PHACTR1: variants seen among roughly 807,000 people sequenced by gnomAD.
PHACTR1 encodes RPEL repeat containing 1.
In PHACTR1, 16 loss-of-function variants were observed where a neutral mutation model predicts 69.2. The ratio of observed to expected loss-of-function variants is 0.23; its 90% CI spans 0.16 to 0.35. The LOEUF (loss-of-function observed/expected upper bound fraction) is 0.35. Ranked by LOEUF, PHACTR1 falls within the 10% of genes least tolerant of loss-of-function variation. The probability of loss-of-function intolerance (pLI) is 1.00; values close to 1 mark genes in which losing one functional copy is unlikely to be tolerated. For missense variants in PHACTR1, 510 were observed against 734.7 expected (o/e 0.69, Z 3.54); for synonymous variants, 312 against 284.5 (o/e 1.10, Z -0.97).
chr6:12,785,025 A>T (rs756230231), intron 4 of PHACTR1, among the ~76,000 whole-genome samples: 1 of 151,608 alleles, frequency 6.6e-6, no homozygotes, highest in Non-Finnish European at 1.5e-5. Flanking sequence ...TATATTATAC[A>T]TATATATTTA....
At chr6:12,990,923 C>A (rs1796753830) in intron 4 of PHACTR1, among the ~76,000 whole-genome samples, 2 of 152,164 alleles carry the variant, frequency 1.3e-5, no homozygotes, top group African/African-American at 4.8e-5. Flanking sequence ...GTCTCCAATG[C>A]TCTGTTGCTT....
chr6:13,258,025 C>T (rs1338465429), intron 10 of PHACTR1, among the ~76,000 whole-genome samples: 1 of 152,104 alleles, frequency 6.6e-6, no homozygotes, highest in Non-Finnish European at 1.5e-5. Context: ...ATCCTCAGTG[C>T]AGGTTTGAAT....
chr6:13,198,439 A>T (rs1379724999), intron 7 of PHACTR1, among the ~76,000 whole-genome samples: 1 of 152,182 alleles, frequency 6.6e-6, no homozygotes, highest in African/African-American at 2.4e-5. Context: ...CTGTGGAATA[A>T]CTGTCTGGAG....
intron 4 of PHACTR1, among the ~76,000 whole-genome samples, chr6:12,918,692 A>G (rs1244283138): frequency 6.6e-6 from 1 of 152,258 alleles, no homozygotes; most frequent in Non-Finnish European, 1.5e-5. Flanking sequence ...CTCATCATAT[A>G]AAATCACTAG....
At chr6:12,889,992 C>T (rs528287416) in intron 4 of PHACTR1, among the ~76,000 whole-genome samples, 34 of 152,194 alleles carry the variant, frequency 2.2e-4, no homozygotes, top group African/African-American at 7.9e-4. Context: ...GGGTCCCCAA[C>T]CCCCGGGTCG....
At chr6:13,182,890 G>A (rs958348481) in intron 7 of PHACTR1, among the ~76,000 whole-genome samples, 2 of 152,216 alleles carry the variant, frequency 1.3e-5, no homozygotes, top group Non-Finnish European at 2.9e-5. Flanking sequence ...ATCCTACAGT[G>A]TTTAAAAAAC....
At chr6:13,286,551 A>G (rs1378604890) in intron 14 of PHACTR1, among the ~76,000 whole-genome samples, 1 of 152,270 alleles carries the variant, frequency 6.6e-6, no homozygotes, top group East Asian at 1.9e-4. Flanking sequence ...ATTTGCAACC[A>G]GTCAGCAGAG....
chr6:13,112,947 C>G (rs1480134349), intron 5 of PHACTR1, among the ~76,000 whole-genome samples: 2 of 151,974 alleles, frequency 1.3e-5, no homozygotes, highest in African/African-American at 4.8e-5. Context: ...AAATCTTTGC[C>G]CATTCTTATA....
intron 5 of PHACTR1, among the ~76,000 whole-genome samples, chr6:13,103,414 A>C (rs945396936): frequency 6.6e-6 from 1 of 152,216 alleles, no homozygotes; most frequent in Admixed American, 6.5e-5. Flanking sequence ...TACTTTCTGT[A>C]GTGTTTGCAT....
intron 8 of PHACTR1, among the ~76,000 whole-genome samples, chr6:13,215,442 T>C (rs1203373032): frequency 6.6e-6 from 1 of 152,142 alleles, no homozygotes; most frequent in Non-Finnish European, 1.5e-5. Flanking sequence ...TGAGAGAACA[T>C]TTAGGCAGAT....
intron 4 of PHACTR1, among the ~76,000 whole-genome samples, chr6:12,940,064 C>T (rs1170378967): frequency 6.6e-6 from 1 of 152,074 alleles, no homozygotes; most frequent in Non-Finnish European, 1.5e-5. Context: ...TGATTCATTT[C>T]CCCCCTGCTG....
At chr6:12,726,284 C>T (rs1762786530) in intron 3 of PHACTR1, among the ~76,000 whole-genome samples, 1 of 152,120 alleles carries the variant, frequency 6.6e-6, no homozygotes, top group Admixed American at 6.6e-5. Flanking sequence ...ATGGAGTTTT[C>T]ATTCTGCCTA....
intron 4 of PHACTR1, among the ~76,000 whole-genome samples, chr6:12,918,908 A>G (rs147463347): frequency 6.6e-6 from 1 of 152,310 alleles, no homozygotes; most frequent in East Asian, 1.9e-4. Context: ...GGAACAAGAA[A>G]AAGTTGCGAA....
intron 4 of PHACTR1, among the ~76,000 whole-genome samples, chr6:12,890,958 A>G (rs1291236434): frequency 6.6e-6 from 1 of 152,184 alleles, no homozygotes; most frequent in Non-Finnish European, 1.5e-5. Context: ...CCAGTTGCTG[A>G]TAATAATGCT....
intron 4 of PHACTR1, among the ~76,000 whole-genome samples, chr6:13,006,272 TA>T (rs1209194759): frequency 2.0e-5 from 3 of 152,256 alleles, no homozygotes; most frequent in Non-Finnish European, 4.4e-5. Context: ...TGTAGTCCGA[TA>T]ACCTTTCTTG....
Position 13,182,513 on chromosome 6 carries a change from T to C in PHACTR1, c.497-6T>C, listed in dbSNP as rs1762307528. 1.2e-6 allele frequency: 2 copies of C among 1,613,606 alleles called. No homozygotes were observed. The highest frequency in any genetic ancestry group is 1.1e-5 in the South Asian group (1 of 91,080). On this transcript the variant is annotated splice_region_variant and splice_polypyrimidine_tract_variant and intron_variant, in intron 6 of 14. Coordinates refer to ENST00000332995, the MANE Select transcript of PHACTR1 (RefSeq NM_030948.6). Reference sequence around the variant, plus strand: ...TAACTCTGCAATCTCCTTTTCTCTCTGACAGATGGGGAACTCTCTATATCC... The same window carrying C: ...TAACTCTGCAATCTCCTTTTCTCTCCGACAGATGGGGAACTCTCTATATCC...
chr6:12,821,838 G>A (rs1776259419), intron 4 of PHACTR1, among the ~76,000 whole-genome samples: 1 of 152,218 alleles, frequency 6.6e-6, no homozygotes, highest in Non-Finnish European at 1.5e-5. Context: ...AGTTGTCAAA[G>A]GTCACACAAA....
intron 4 of PHACTR1, among the ~76,000 whole-genome samples, chr6:12,874,674 T>C (rs927997849): frequency 4.6e-5 from 7 of 152,208 alleles, no homozygotes; most frequent in Non-Finnish European, 7.3e-5. Context: ...CATTTCCAAA[T>C]GTGGTATCAA....
chr6:12,980,440 A>G lies in PHACTR1; in HGVS notation c.251-72925A>G, dbSNP rs113777757. 4.4e-3 allele frequency among the ~76,000 whole-genome samples: 666 copies of G among 152,270 alleles called. 3 individuals carry two copies. Among genetic ancestry groups the G allele is most frequent in the African/African-American group, 0.015 (617 of 41,562 alleles). ...GGATCTGGCGTGTCAAGCATGTCCC[A>G]TACAAGTGATATTATATGCTCCCAG... On this transcript the variant is annotated intron_variant, in intron 4 of 14. Transcript: ENST00000332995.
Sources: gnomAD v4.1 joint callset for allele counts (sites outside exome capture counted in the v4.1 genomes callset) on GRCh38, gnomAD v4.1.1 for gene constraint, MANE v1.5 for transcripts, NCBI Gene and HGNC (gene_info 2026-07-23, HGNC 2026-07-21) for gene names.